Variants in NBEA observed in about 807,000 individuals in gnomAD.
NBEA encodes the protein lysosomal-trafficking regulator 2.
In NBEA, 44 loss-of-function variants were observed where a neutral mutation model predicts 343.4. The observed-to-expected ratio is 0.13, with a 90% CI of 0.10 to 0.16. The LOEUF (loss-of-function observed/expected upper bound fraction) is 0.16, where lower values mean the gene tolerates loss of function less well. Ranked by LOEUF, NBEA falls within the 10% of genes least tolerant of loss-of-function variation. NBEA has a pLI of 1.00. For missense variants in NBEA, 2,555 were observed against 3,631.3 expected, an observed-to-expected ratio of 0.70 and a Z score of 7.62; for synonymous variants, 1,175 against 1,238.7, an observed-to-expected ratio of 0.95 and a Z score of 1.08.
At chr13:35,445,574 A>G (rs2045958844) in intron 39 of NBEA, among the ~76,000 whole-genome samples, 1 of 151,754 alleles carries the variant, frequency 6.6e-6, no homozygotes, top group African/African-American at 2.4e-5. Context: ...TTATGAGGAA[A>G]CTGTAAAGTA....
intron 35 of NBEA, among the ~76,000 whole-genome samples, chr13:35,295,123 TATAAATATAATATTTATAATATAA>T (rs904529072): frequency 2.7e-5 from 4 of 148,110 alleles, no homozygotes; most frequent in African/African-American, 4.9e-5. Context: ...ATATTTAATA[TATAAATATAATATTTATAATATAA>T]ATAAATATAA....
intron 16 of NBEA, among the ~76,000 whole-genome samples, chr13:35,119,785 T>A (rs1183199134): frequency 6.6e-6 from 1 of 152,156 alleles, no homozygotes; most frequent in Non-Finnish European, 1.5e-5. Flanking sequence ...GAGACGGGGT[T>A]TCACCATGTT....
At chr13:35,142,187 A>G (rs932753205) in intron 17 of NBEA, 82 bp from the exon 18 acceptor site, 2 of 772,508 alleles carry the variant, frequency 2.6e-6, no homozygotes, top group Non-Finnish European at 4.3e-6. Context: ...CTGCTTATAA[A>G]TTGTTCTCTC....
intron 41 of NBEA, chr13:35,476,959 C>T: frequency 3.0e-6 from 1 of 334,734 alleles, no homozygotes; most frequent in Non-Finnish European, 4.5e-6. Context: ...CTTGGCAAAG[C>T]GGCTCTCTTC....
intron 34 of NBEA, among the ~76,000 whole-genome samples, chr13:35,268,443 A>C (rs1275153399): frequency 6.6e-6 from 1 of 152,110 alleles, no homozygotes; most frequent in South Asian, 2.1e-4. Flanking sequence ...ATAGTTGTAC[A>C]TTATGACTGA....
intron 1 of NBEA, among the ~76,000 whole-genome samples, chr13:34,976,878 A>G (rs1487095444): frequency 6.6e-6 from 1 of 151,222 alleles, no homozygotes; most frequent in African/African-American, 2.4e-5. Flanking sequence ...AGATTGTTCA[A>G]ATTTTTGAGG....
At chr13:35,601,170 G>A (rs2082027407) in intron 47 of NBEA, among the ~76,000 whole-genome samples, 1 of 98,150 alleles carries the variant, frequency 1.0e-5, no homozygotes, top group Admixed American at 1.3e-4. Context: ...GAGCAAAACT[G>A]CATCTCAACA....
chr13:35,404,969 G>T (rs2043198910), intron 38 of NBEA, among the ~76,000 whole-genome samples: 1 of 152,070 alleles, frequency 6.6e-6, no homozygotes, highest in African/African-American at 2.4e-5. Flanking sequence ...GAAACAGTCA[G>T]AAGGGAGTAA....
Position 35,646,249 on chromosome 13 carries a change from TC to T in NBEA, c.7681-6del, listed in dbSNP as rs2084228331. 1 of 1,603,556 alleles carries T rather than the reference TC, an allele frequency of 6.2e-7. No individual in the cohort carries two copies. The highest frequency in any genetic ancestry group is 8.5e-7 in the Non-Finnish European group (1 of 1,171,340). On this transcript the variant is annotated splice_polypyrimidine_tract_variant and intron_variant, in intron 50 of 58. Transcript: ENST00000379939. Reference sequence around the variant, plus strand: ...TATTGATTATGACAATCACCCTCCTTCCCCTGCAGGCCATGGAGGCACAGAT... The same window carrying T: ...TATTGATTATGACAATCACCCTCCTTCCCTGCAGGCCATGGAGGCACAGAT...
chr13:35,457,538 A>G (rs2046651320), intron 40 of NBEA, among the ~76,000 whole-genome samples: 1 of 152,188 alleles, frequency 6.6e-6, no homozygotes, highest in South Asian at 2.1e-4. Context: ...GGAATCATAG[A>G]TAGACTTTAG....
intron 31 of NBEA, among the ~76,000 whole-genome samples, chr13:35,207,497 A>T (rs1240860549): frequency 6.6e-6 from 1 of 152,164 alleles, no homozygotes; most frequent in Non-Finnish European, 1.5e-5. Flanking sequence ...TGCTAAATGA[A>T]GTTTGCAGTG....
chr13:35,660,554 G>C (rs1315915476), intron 55 of NBEA, among the ~76,000 whole-genome samples: 2 of 152,170 alleles, frequency 1.3e-5, no homozygotes, highest in Admixed American at 1.3e-4. Context: ...GACTCCAGCT[G>C]TGCACACACA....
chr13:35,199,047 G>A (rs905449135), intron 31 of NBEA, among the ~76,000 whole-genome samples: 11 of 152,030 alleles, frequency 7.2e-5, no homozygotes, highest in Non-Finnish European at 1.5e-4. Context: ...AGCCAGACGG[G>A]TTTGATTGTC....
At chr13:35,082,056 A>G (rs1239253153) in intron 10 of NBEA, among the ~76,000 whole-genome samples, 2 of 152,054 alleles carry the variant, frequency 1.3e-5, no homozygotes, top group African/African-American at 2.4e-5. Context: ...TCCTAATGCT[A>G]TCCCTCCCCA....
chr13:35,102,320 G>C (rs2065685103), intron 11 of NBEA, among the ~76,000 whole-genome samples: 1 of 151,548 alleles, frequency 6.6e-6, no homozygotes, highest in Non-Finnish European at 1.5e-5. Flanking sequence ...AATTTGTATA[G>C]CTTTTTAGTA....
chr13:35,045,764 G>C (rs2062828614), intron 4 of NBEA, among the ~76,000 whole-genome samples: 1 of 152,016 alleles, frequency 6.6e-6, no homozygotes, highest in Admixed American at 6.6e-5. Context: ...GAGGCTTGCT[G>C]TCACCCAGGC....
chr13:35,444,920 C>G (rs2045917042), intron 39 of NBEA, among the ~76,000 whole-genome samples: 1 of 152,072 alleles, frequency 6.6e-6, no homozygotes, highest in African/African-American at 2.4e-5. Context: ...GCTATTTATA[C>G]TACATTCAAT....
chr13:35,645,237 G>T (rs947401217), intron 49 of NBEA, among the ~76,000 whole-genome samples: 1 of 152,094 alleles, frequency 6.6e-6, no homozygotes, highest in Non-Finnish European at 1.5e-5. Context: ...TCACTTTTAC[G>T]TGCAACCAAA....
chr13:35,479,038 G>A (rs933353377), intron 41 of NBEA, among the ~76,000 whole-genome samples: 1 of 152,240 alleles, frequency 6.6e-6, no homozygotes, highest in African/African-American at 2.4e-5. Context: ...GAAGCACTTT[G>A]TGCAAACTAA....
Sources: allele counts gnomAD v4.1 joint callset (sites outside exome capture counted in the v4.1 genomes callset), GRCh38; gene constraint gnomAD v4.1.1; transcripts MANE v1.5; gene names NCBI Gene and HGNC (gene_info 2026-07-23, HGNC 2026-07-21).